The following ADARB2 variants were observed in gnomAD, a reference collection of about 807,000 sequenced individuals.
The protein encoded by ADARB2 is inactive double-stranded RNA-specific editase B2.
ADARB2 carries 25 observed loss-of-function variants against 62.2 expected under a neutral mutation model. The ratio of observed to expected loss-of-function variants is 0.40; its 90% CI spans 0.29 to 0.56. The LOEUF (loss-of-function observed/expected upper bound fraction) is 0.56. Ranked by LOEUF, ADARB2 falls within the 20% of genes least tolerant of loss-of-function variation. The pLI is 0.43. For missense variants in ADARB2, 1,071 were observed against 1,077.4 expected, an observed-to-expected ratio of 0.99 and a Z score of 0.08; for synonymous variants, 572 against 500.8, an observed-to-expected ratio of 1.14 and a Z score of -1.90.
chr10:1,491,717 A>G (rs1564306565), intron 1 of ADARB2, among the ~76,000 whole-genome samples: 1 of 152,218 alleles, frequency 6.6e-6, no homozygotes, highest in Non-Finnish European at 1.5e-5. Flanking sequence ...TTGTGTATAC[A>G]TGCTACCCCT....
intron 1 of ADARB2, among the ~76,000 whole-genome samples, chr10:1,507,331 A>G (rs1365234455): frequency 6.6e-6 from 1 of 152,194 alleles, no homozygotes; most frequent in Non-Finnish European, 1.5e-5. Context: ...AGGAGGGAGC[A>G]AGACCAGACC....
At chr10:1,702,646 T>G (rs955542319) in intron 1 of ADARB2, among the ~76,000 whole-genome samples, 1 of 152,232 alleles carries the variant, frequency 6.6e-6, no homozygotes, top group African/African-American at 2.4e-5. Flanking sequence ...CCTGCTTTGC[T>G]TGAGCACTGT....
intron 1 of ADARB2, among the ~76,000 whole-genome samples, chr10:1,716,730 TTACTC>T (rs1835020606): frequency 6.6e-6 from 1 of 152,188 alleles, no homozygotes; most frequent in African/African-American, 2.4e-5. Context: ...AAATTTTACT[TTACTC>T]CATTACACAG....
chr10:1,612,489 C>G (rs1414153673), intron 1 of ADARB2, among the ~76,000 whole-genome samples: 1 of 152,228 alleles, frequency 6.6e-6, no homozygotes, highest in Non-Finnish European at 1.5e-5. Flanking sequence ...AGCAATTGTT[C>G]TGTAGATAGT....
At chr10:1,691,822 C>T (rs1045242749) in intron 1 of ADARB2, among the ~76,000 whole-genome samples, 18 of 152,190 alleles carry the variant, frequency 1.2e-4, no homozygotes, top group African/African-American at 4.3e-4. Context: ...CCACTTCTGT[C>T]CCCTCCAGAT....
chr10:1,482,013 T>C lies in ADARB2; in HGVS notation c.101-102853A>G, dbSNP rs113307233. On this transcript the variant is annotated intron_variant, in intron 1 of 9. Coordinates refer to ENST00000381312, the MANE Select transcript of ADARB2 (RefSeq NM_018702.4). ...AAAAGATGCTCAACATGACAAATTA[T>C]TAGAGAAATAAAAATCAAAACCATG... Among the ~76,000 whole-genome samples, 829 of 152,240 alleles carry C rather than the reference T, an allele frequency of 5.4e-3. 9 individuals carry two copies. Among genetic ancestry groups the C allele is most frequent in the African/African-American group, 0.017 (712 of 41,534 alleles).
intron 1 of ADARB2, among the ~76,000 whole-genome samples, chr10:1,605,158 C>A (rs12412144): frequency 0.012 from 1,903 of 152,320 alleles, 87 homozygotes; most frequent in East Asian, 0.12. Flanking sequence ...AGGGCAGAAT[C>A]CATGGTTCAG....
intron 1 of ADARB2, among the ~76,000 whole-genome samples, chr10:1,504,411 C>T (rs1831808934): frequency 6.6e-6 from 1 of 152,230 alleles, no homozygotes; most frequent in Admixed American, 6.5e-5. Context: ...GCATCTGGCG[C>T]TGGACATTCT....
At chr10:1,693,901 A>G (rs61831980) in intron 1 of ADARB2, among the ~76,000 whole-genome samples, 4,944 of 152,342 alleles carry the variant, frequency 0.032, 111 homozygotes, top group Middle Eastern at 0.075. Context: ...GGCTGGTCAT[A>G]CAGGAATCCT....
chr10:1,470,061 G>A (rs921705447), intron 1 of ADARB2, among the ~76,000 whole-genome samples: 1 of 97,494 alleles, frequency 1.0e-5, no homozygotes, highest in Non-Finnish European at 2.7e-5. Context: ...CCCGGCCCTG[G>A]AGCGACCTTC....
chr10:1,581,389 G>A (rs1422438816), intron 1 of ADARB2, among the ~76,000 whole-genome samples: 4 of 152,214 alleles, frequency 2.6e-5, no homozygotes, highest in Non-Finnish European at 5.9e-5. Context: ...CATCTCCCCC[G>A]AGGACAGGAG....
intron 3 of ADARB2, among the ~76,000 whole-genome samples, chr10:1,348,548 CATCT>C (rs1832103797): frequency 6.6e-6 from 1 of 152,228 alleles, no homozygotes; most frequent in Non-Finnish European, 1.5e-5. Context: ...CGGCTGCCTC[CATCT>C]GAGGCCCTCC....
At chr10:1,450,152 G>A (rs893981828) in intron 1 of ADARB2, among the ~76,000 whole-genome samples, 7 of 152,130 alleles carry the variant, frequency 4.6e-5, no homozygotes, top group African/African-American at 1.2e-4. Context: ...AGCTCCCCAC[G>A]CTCCCGTCGA....
rs1340882740 is a variant in ADARB2 at position 1,534,230 on chromosome 10, G to A, written c.101-155070C>T. Among the ~76,000 whole-genome samples the A allele has an allele frequency of 2.7e-5, 4 of 150,728 alleles. No homozygotes were observed. In the South Asian group the frequency reaches 6.4e-4, roughly 24 times the overall value. The stretch of plus-strand genomic sequence containing the variant: ...TGGCTCACTGAAACCTCTGTCTCCC[G>A]GGTTCAACCGATTCTCCTGCCTCAG... On this transcript the variant is annotated intron_variant, in intron 1 of 9. Transcript: ENST00000381312.
At chr10:1,362,423 G>A (rs1453111306) in intron 3 of ADARB2, among the ~76,000 whole-genome samples, 1 of 152,216 alleles carries the variant, frequency 6.6e-6, no homozygotes, top group Non-Finnish European at 1.5e-5. Flanking sequence ...AACCGGTAAC[G>A]CCCAGACAGT....
chr10:1,332,249 A>T (rs933912740), intron 3 of ADARB2, among the ~76,000 whole-genome samples: 2 of 152,170 alleles, frequency 1.3e-5, no homozygotes, highest in Admixed American at 6.5e-5. Flanking sequence ...ACAAAACAAT[A>T]AAAAATTAGC....
At chr10:1,615,713 A>G (rs1166842110) in intron 1 of ADARB2, among the ~76,000 whole-genome samples, 3 of 152,222 alleles carry the variant, frequency 2.0e-5, no homozygotes, top group African/African-American at 7.2e-5. Context: ...GAAGATGGCC[A>G]TGCTTCTGTA....
At chr10:1,689,317 G>A (rs1834638055) in intron 1 of ADARB2, among the ~76,000 whole-genome samples, 1 of 152,182 alleles carries the variant, frequency 6.6e-6, no homozygotes, top group Non-Finnish European at 1.5e-5. Context: ...TGAGTTACCT[G>A]CACAGGAGGG....
intron 3 of ADARB2, among the ~76,000 whole-genome samples, chr10:1,288,599 G>A (rs529987373): frequency 7.2e-5 from 11 of 152,336 alleles, no homozygotes; most frequent in Non-Finnish European, 1.3e-4. Flanking sequence ...ACGCTGAGGA[G>A]AGAGAAGAGA....
Sources: gnomAD v4.1 joint callset for allele counts (sites outside exome capture counted in the v4.1 genomes callset) on GRCh38, gnomAD v4.1.1 for gene constraint, MANE v1.5 for transcripts, NCBI Gene and HGNC (gene_info 2026-07-23, HGNC 2026-07-21) for gene names.